The following NALF1 variants were observed in gnomAD, a reference collection of about 807,000 sequenced individuals.
NALF1 encodes family with sequence similarity 155 member A.
Under a neutral mutation model 48.4 loss-of-function variants are expected in NALF1, and 3 were observed. The ratio of observed to expected loss-of-function variants is 0.06; its 90% CI spans 0.03 to 0.16. The LOEUF (loss-of-function observed/expected upper bound fraction) is 0.16, where lower values mean the gene tolerates loss of function less well. Among genes scored for constraint, NALF1 ranks in the 10% least tolerant of loss-of-function variants. The pLI is 1.00. For missense variants in NALF1, 526 were observed against 571.5 expected, an observed-to-expected ratio of 0.92 and a Z score of 0.81; for synonymous variants, 262 against 245.7, an observed-to-expected ratio of 1.07 and a Z score of -0.62.
intron 1 of NALF1, among the ~76,000 whole-genome samples, chr13:107,733,277 A>G (rs1876367247): frequency 1.3e-5 from 2 of 152,220 alleles, no homozygotes; most frequent in African/African-American, 4.8e-5. Flanking sequence ...TGACAGCAGC[A>G]CATTGCAAAA....
chr13:107,492,844 C>A (rs1321910957), intron 1 of NALF1, among the ~76,000 whole-genome samples: 8 of 152,076 alleles, frequency 5.3e-5, no homozygotes, highest in African/African-American at 1.9e-4. Context: ...AAAACGTACA[C>A]AATTTTGTTT....
At chr13:107,453,499 G>A (rs1884776223) in intron 1 of NALF1, among the ~76,000 whole-genome samples, 1 of 152,210 alleles carries the variant, frequency 6.6e-6, no homozygotes, top group Non-Finnish European at 1.5e-5. Flanking sequence ...AGGGCATCAA[G>A]TCCCAAGGAT....
chr13:107,571,762 C>G (rs1438745377), intron 1 of NALF1, among the ~76,000 whole-genome samples: 2 of 152,118 alleles, frequency 1.3e-5, no homozygotes, highest in Non-Finnish European at 2.9e-5. Context: ...CAGGTAGCTA[C>G]TATTAGAGTG....
At chr13:107,830,882 T>C (rs1879698392) in intron 1 of NALF1, among the ~76,000 whole-genome samples, 1 of 152,200 alleles carries the variant, frequency 6.6e-6, no homozygotes, top group Non-Finnish European at 1.5e-5. Context: ...TGGATTAAAA[T>C]GGTACCTTCA....
At chr13:107,222,402 T>A (rs1330398387) in intron 1 of NALF1, among the ~76,000 whole-genome samples, 2 of 152,234 alleles carry the variant, frequency 1.3e-5, no homozygotes, top group African/African-American at 4.8e-5. Flanking sequence ...TACATAAATA[T>A]TCATTTATAT....
At chr13:107,512,773 T>C (rs896100229) in intron 1 of NALF1, among the ~76,000 whole-genome samples, 5 of 152,104 alleles carry the variant, frequency 3.3e-5, no homozygotes, top group African/African-American at 9.7e-5. Flanking sequence ...GGTAAGTAAC[T>C]CCAGAGTGTT....
At position 107,319,036 on chromosome 13, in the gene NALF1, G is replaced by C. The variant is rs188044883; in HGVS notation, c.916-108281C>G. Among the ~76,000 whole-genome samples, 1,044 of 152,142 alleles carry C rather than the reference G, an allele frequency of 6.9e-3. 50 individuals are homozygous for C. Among genetic ancestry groups the C allele is most frequent in the Non-Finnish European group, 1.5e-3 (105 of 67,970 alleles). On this transcript the variant is annotated intron_variant, in intron 1 of 2. Transcript: ENST00000375915. ...TTGGTTAAGCAGCAGAGTTCAAGGAGTTCAGTTTGGTAAGTCACAGTCCTA... is the reference window on the plus strand; with the variant it reads ...TTGGTTAAGCAGCAGAGTTCAAGGACTTCAGTTTGGTAAGTCACAGTCCTA...
chr13:107,503,753 T>TGTGTG (rs1329568918), intron 1 of NALF1, among the ~76,000 whole-genome samples: 3,661 of 70,864 alleles, frequency 0.052, 106 homozygotes, highest in Admixed American at 0.073. Context: ...GTGTGTGTGT[T>TGTGTG]TGTGTGTGTG....
chr13:107,454,749 C>T (rs1884797666), intron 1 of NALF1, among the ~76,000 whole-genome samples: 2 of 152,150 alleles, frequency 1.3e-5, no homozygotes, highest in African/African-American at 4.8e-5. Flanking sequence ...TTGTTTCTAC[C>T]TGAAACCAGC....
intron 1 of NALF1, among the ~76,000 whole-genome samples, chr13:107,782,921 T>TGG: frequency 7.9e-6 from 1 of 127,246 alleles, no homozygotes; most frequent in East Asian, 2.4e-4. Flanking sequence ...AGGAGGGAGG[T>TGG]GGGGGTCACC....
intron 1 of NALF1, among the ~76,000 whole-genome samples, chr13:107,459,887 G>A (rs540680824): frequency 1.5e-4 from 23 of 152,156 alleles, no homozygotes; most frequent in East Asian, 5.8e-4. Flanking sequence ...GACCACCTGC[G>A]TGTGCCACCA....
At chr13:107,851,492 T>C (rs539516155) in intron 1 of NALF1, among the ~76,000 whole-genome samples, 21 of 151,890 alleles carry the variant, frequency 1.4e-4, no homozygotes, top group African/African-American at 5.1e-4. Context: ...ATATTTCCCA[T>C]ATAAAAGACT....
intron 1 of NALF1, among the ~76,000 whole-genome samples, chr13:107,512,060 T>C (rs1875908372): frequency 6.6e-6 from 1 of 152,232 alleles, no homozygotes; most frequent in Non-Finnish European, 1.5e-5. Context: ...GGAGTTTATC[T>C]GAAGCATACA....
chr13:107,273,961 A>T (rs1474251862), intron 1 of NALF1, among the ~76,000 whole-genome samples: 1 of 152,136 alleles, frequency 6.6e-6, no homozygotes, highest in Non-Finnish European at 1.5e-5. Flanking sequence ...CTTCTGTAAC[A>T]TCAAAAAAGT....
chr13:107,292,638 T>C (rs1257356483), intron 1 of NALF1, among the ~76,000 whole-genome samples: 2 of 152,190 alleles, frequency 1.3e-5, no homozygotes, highest in African/African-American at 4.8e-5. Context: ...ATAACAGGCA[T>C]GGAGCTGTCC....
At chr13:107,209,089 C>T (rs188741384) in intron 2 of NALF1, among the ~76,000 whole-genome samples, 1 of 152,270 alleles carries the variant, frequency 6.6e-6, no homozygotes, top group East Asian at 1.9e-4. Flanking sequence ...TTGGCCATTG[C>T]ACTTTCTAAT....
At chr13:107,370,270 C>T (rs762164039) in intron 1 of NALF1, among the ~76,000 whole-genome samples, 3 of 152,198 alleles carry the variant, frequency 2.0e-5, no homozygotes, top group Admixed American at 6.5e-5. Context: ...GTGGATGAAT[C>T]AGCACTAGCT....
intron 1 of NALF1, among the ~76,000 whole-genome samples, chr13:107,856,984 TCA>T (rs1880453805): frequency 6.6e-6 from 1 of 152,218 alleles, no homozygotes; most frequent in Non-Finnish European, 1.5e-5. Flanking sequence ...ACACAGAGCC[TCA>T]CTCTCACCCC....
At chr13:107,380,576 G>A (rs1883417418) in intron 1 of NALF1, among the ~76,000 whole-genome samples, 1 of 152,060 alleles carries the variant, frequency 6.6e-6, no homozygotes, top group Admixed American at 6.5e-5. Context: ...GACATGGGGT[G>A]GTTTCCTTCT....
Sources: gnomAD v4.1 joint callset for allele counts (sites outside exome capture counted in the v4.1 genomes callset) on GRCh38, gnomAD v4.1.1 for gene constraint, MANE v1.5 for transcripts, NCBI Gene and HGNC (gene_info 2026-07-23, HGNC 2026-07-21) for gene names.